Variants in EVC observed in about 807,000 individuals in gnomAD.
The protein encoded by EVC is evC complex member EVC.
Under a neutral mutation model 118.9 loss-of-function variants are expected in EVC, and 116 were observed. The observed-to-expected ratio is 0.98, with a 90% CI of 0.84 to 1.14. The LOEUF is 1.14. Among genes scored for constraint, EVC ranks in the 50% most tolerant of loss-of-function variants. The pLI, the probability that EVC is intolerant of heterozygous loss-of-function variation, is 0.00. For synonymous variants in EVC, 619 were observed against 534.7 expected, an observed-to-expected ratio of 1.16 and a Z score of -2.18; for missense variants, 1,401 against 1,246.4, an observed-to-expected ratio of 1.12 and a Z score of -1.87.
intron 12 of EVC, among the ~76,000 whole-genome samples, chr4:5,790,614 T>C (rs1339247340): frequency 6.6e-6 from 1 of 152,108 alleles, no homozygotes; most frequent in Non-Finnish European, 1.5e-5. Flanking sequence ...ATATTGGAGC[T>C]TTGGAGACAG....
intron 12 of EVC, among the ~76,000 whole-genome samples, chr4:5,785,034 A>G (rs1368443595): frequency 1.3e-5 from 2 of 152,114 alleles, no homozygotes; most frequent in African/African-American, 2.4e-5. Flanking sequence ...AGGCTGTGAA[A>G]CTAACATCCT....
At position 5,737,297 on chromosome 4, in the gene EVC, A is replaced by G. The variant is rs772236351; in HGVS notation, c.702+3862A>G. Among the ~76,000 whole-genome samples the G allele has an allele frequency of 1.5e-4, 23 of 152,250 alleles. No individual in the cohort carries two copies. The highest frequency in any genetic ancestry group is 2.4e-4 in the Non-Finnish European group (16 of 68,044). The stretch of plus-strand genomic sequence containing the variant: ...AGGTTTAAAGAAAGAAGCTGTCTCC[A>G]GAACAAACAAAAGTGCAAGGTGAAG... On this transcript the variant is annotated intron_variant, in intron 5 of 20. Coordinates refer to ENST00000264956, the MANE Select transcript of EVC (RefSeq NM_153717.3). The surrounding 1 kb of genome is among the most constrained non-coding windows in gnomAD (Gnocchi z 5.0).
At chr4:5,762,709 A>C (rs1415724627) in intron 11 of EVC, among the ~76,000 whole-genome samples, 1 of 137,282 alleles carries the variant, frequency 7.3e-6, no homozygotes, top group African/African-American at 2.8e-5. Context: ...TCTTTTGAGA[A>C]GTGTCTGTTC....
intron 2 of EVC, among the ~76,000 whole-genome samples, chr4:5,728,653 C>CTAGA (rs1353893647): frequency 3.3e-5 from 5 of 152,186 alleles, no homozygotes; most frequent in Non-Finnish European, 5.9e-5. Context: ...GGTTTACTAT[C>CTAGA]TGGGAAGACT....
chr4:5,730,536 C>T (rs925237872), intron 3 of EVC, among the ~76,000 whole-genome samples: 2 of 151,918 alleles, frequency 1.3e-5, no homozygotes, highest in African/African-American at 4.8e-5. Flanking sequence ...CTGCGTGGGC[C>T]CTGGGGATCA....
chr4:5,825,364 G>A, the EVC span: 3 of 1,440,720 alleles, frequency 2.1e-6, no homozygotes, highest in South Asian at 1.6e-5. This position sits in a 1 kb window ranked among gnomAD's most constrained non-coding sequence, Gnocchi z 4.4. Flanking sequence ...AGGCTCGGGT[G>A]GGGCACACTC....
chr4:5,729,895 A>G (rs1029570953), intron 3 of EVC, among the ~76,000 whole-genome samples: 1 of 152,208 alleles, frequency 6.6e-6, no homozygotes, highest in Non-Finnish European at 1.5e-5. Flanking sequence ...AGGTCACGTG[A>G]CAGGAAGTGG....
chr4:5,770,750 C>G (rs1733817318), intron 11 of EVC, among the ~76,000 whole-genome samples: 2 of 152,136 alleles, frequency 1.3e-5, no homozygotes, highest in Non-Finnish European at 2.9e-5. Flanking sequence ...TTGGCTAACA[C>G]CTGTAATCCC....
chr4:5,824,425 G>A, the EVC span: 1 of 985,336 alleles, frequency 1.0e-6, no homozygotes, highest in Non-Finnish European at 1.2e-6. Flanking sequence ...CACTGAATCA[G>A]ACACTTCCTG....
At chr4:5,713,261 C>A (rs1560263201) in intron 1 of EVC, among the ~76,000 whole-genome samples, 1 of 152,172 alleles carries the variant, frequency 6.6e-6, no homozygotes, top group Non-Finnish European at 1.5e-5. Flanking sequence ...CTTGCGACAA[C>A]CTTCTTTCTA....
chr4:5,802,644 G>T (rs1715213918), intron 16 of EVC, among the ~76,000 whole-genome samples: 1 of 152,174 alleles, frequency 6.6e-6, no homozygotes, highest in Non-Finnish European at 1.5e-5. Flanking sequence ...CACATCATCA[G>T]GCATTAGATA....
intron 11 of EVC, among the ~76,000 whole-genome samples, chr4:5,768,198 A>G (rs1270689915): frequency 6.6e-6 from 1 of 152,106 alleles, no homozygotes; most frequent in Non-Finnish European, 1.5e-5. Flanking sequence ...GACGTTGCAG[A>G]CTGTTCCAAG....
chr4:5,755,663 C>T lies in EVC; in HGVS notation c.1465-601C>T, dbSNP rs1270012036. 6.6e-6 allele frequency among the ~76,000 whole-genome samples: 1 copy of T among 152,164 alleles called. No individual in the cohort carries two copies. The highest frequency in any genetic ancestry group is 6.5e-5 in the Admixed American group (1 of 15,276). On this transcript the variant is annotated intron_variant, in intron 10 of 20. Coordinates refer to ENST00000264956, the MANE Select transcript of EVC (RefSeq NM_153717.3). The surrounding 1 kb of genome is among the most constrained non-coding windows in gnomAD (Gnocchi z 4.1). ...CCTTAGAGACTCCATTGAAACATCT[C>T]CCCAACAGGGAATTTTCTCCTGCAA... is the stretch of plus-strand genomic sequence containing the variant.
rs759914595 is a variant in EVC, at chr4:5,811,025, A to C, written c.2967A>C (p.Arg989Ser). ...ACTCAAAGAAGATGCTAAAGAGAAG[A>C]AGCAACTTGTAGTTTAAGACCAGTC... ...SGNSKKMLKR[R>S]SNL The change falls in exon 21 of 21, where the codon AGA becomes AGC. Residue 989 changes from arginine to serine, a missense_variant. Coordinates refer to ENST00000264956, the MANE Select transcript of EVC (RefSeq NM_153717.3). The C allele has an allele frequency of 1.2e-6, 2 of 1,611,786 alleles. No individual in the cohort carries two copies. The highest frequency in any genetic ancestry group is 2.7e-5 in the African/African-American group (2 of 74,814).
chr4:5,726,588 T>C (rs1396098307), intron 2 of EVC, among the ~76,000 whole-genome samples: 53 of 145,506 alleles, frequency 3.6e-4, no homozygotes, highest in African/African-American at 1.3e-3. Context: ...TTTTTTATTA[T>C]ACTTTAAGTT....
the EVC span, among the ~76,000 whole-genome samples, chr4:5,820,476 T>G: frequency 2.6e-5 from 4 of 152,140 alleles, no homozygotes. Flanking sequence ...CTGAGGCTGA[T>G]CCATACAATA....
downstream of EVC, among the ~76,000 whole-genome samples, chr4:5,814,488 T>G (rs1717375151): frequency 6.6e-6 from 1 of 152,122 alleles, no homozygotes; most frequent in Non-Finnish European, 1.5e-5. Flanking sequence ...AAGCCTCTCC[T>G]GCCCCTGCCA....
At position 5,743,370 on chromosome 4, in the gene EVC, C is replaced by A. The variant is rs138940527; in HGVS notation, c.801+1556C>A. On this transcript the variant is annotated intron_variant, in intron 6 of 20. Coordinates refer to ENST00000264956, the MANE Select transcript of EVC (RefSeq NM_153717.3). The surrounding 1 kb of genome is among the most constrained non-coding windows in gnomAD (Gnocchi z 4.7). ...TTCTCGTTACTACTATCACCAGCCTCTTATTCATCATCCCCTGCCATCATT... is the reference window on the plus strand; with the variant it reads ...TTCTCGTTACTACTATCACCAGCCTATTATTCATCATCCCCTGCCATCATT... Among the ~76,000 whole-genome samples, 220 of 152,286 alleles carry A rather than the reference C, an allele frequency of 1.4e-3. 1 individual carries two copies. The highest frequency in any genetic ancestry group is 5.1e-3 in the African/African-American group (214 of 41,572).
chr4:5,827,116 A>AC, the EVC span, among the ~76,000 whole-genome samples: 8 of 151,080 alleles, frequency 5.3e-5, no homozygotes, highest in African/African-American at 1.5e-4. Context: ...GTGCAATGGG[A>AC]CCCCCCGATC....
Sources: allele counts gnomAD v4.1 joint callset (sites outside exome capture counted in the v4.1 genomes callset), GRCh38; gene constraint gnomAD v4.1.1; non-coding constraint Gnocchi (gnomAD v3.1); transcripts MANE v1.5; gene names NCBI Gene and HGNC (gene_info 2026-07-23, HGNC 2026-07-21).